PLXNA4: variants seen among roughly 807,000 people sequenced by gnomAD.
PLXNA4 encodes the protein plexin-A4.
In PLXNA4, 44 loss-of-function variants were observed where a neutral mutation model predicts 191.8. That is an observed-to-expected ratio of 0.23 (90% CI 0.18 to 0.29). The LOEUF (loss-of-function observed/expected upper bound fraction) is 0.29. Ranked by LOEUF, PLXNA4 falls within the 10% of genes least tolerant of loss-of-function variation. The pLI is 1.00. For synonymous variants in PLXNA4, 1,082 were observed against 1,009.5 expected (o/e 1.07, Z -1.36); for missense variants, 1,800 against 2,488.8 (o/e 0.72, Z 5.89).
chr7:132,629,794 T>C (rs1486661231), intron 2 of PLXNA4, among the ~76,000 whole-genome samples: 5 of 152,224 alleles, frequency 3.3e-5, no homozygotes, highest in Non-Finnish European at 7.3e-5. Context: ...CTTCTCACTA[T>C]GTCCTCACAT....
In PLXNA4 at chr7:132,608,389, G is replaced by A. The variant is rs370711159; in HGVS notation, c.-87+37539C>T. Among the ~76,000 whole-genome samples the A allele has an allele frequency of 1.1e-4, 17 of 152,228 alleles. No homozygotes were observed. The East Asian group carries it at 1.9e-3, about 17-fold the overall frequency. On this transcript the variant is annotated intron_variant, in intron 2 of 4. Transcript: ENST00000378539. ...TATTAATTCTATGCTTGTTGGGACC[G>A]TACTCTGTATTAGCATGAGGGCTAC...
Position 132,140,827 on chromosome 7 carries a change from A to G in PLXNA4, c.5226-16T>C. 6.2e-7 allele frequency: 1 copy of G among 1,613,530 alleles called. No homozygotes were observed. Among genetic ancestry groups the G allele is most frequent in the Non-Finnish European group, 8.5e-7 (1 of 1,179,706 alleles). On this transcript the variant is annotated splice_polypyrimidine_tract_variant and intron_variant, in intron 29 of 31. Transcript: ENST00000321063. ...CAGGGGCAGGCTGCGTGGAAGGAAG[A>G]GGCAGATGGTCAGGAAAGACGGGGC... is the stretch of plus-strand genomic sequence containing the variant.
chr7:132,243,709 T>C (rs1452693507), intron 4 of PLXNA4, among the ~76,000 whole-genome samples: 1 of 112,288 alleles, frequency 8.9e-6, no homozygotes, highest in Admixed American at 1.4e-4. Flanking sequence ...AAAGCACAGA[T>C]GATGCAATGG....
In PLXNA4 at chr7:132,594,965, AATT is replaced by A. The variant is rs1402738981; in HGVS notation, c.-87+50960_-87+50962del. 4.0e-3 allele frequency among the ~76,000 whole-genome samples: 540 copies of A among 134,250 alleles called. 1 individual carries two copies. Among genetic ancestry groups the A allele is most frequent in the Non-Finnish European group, 5.2e-3 (305 of 59,158 alleles). The allele number at this position is 134,250 out of a possible 152,430, so 88.1% of individuals were successfully genotyped here. A position where few individuals can be genotyped will look rare whatever the true frequency, so the allele number is the denominator to read the frequency against. ...TAGATAGATAGATAGATAGATAGAT[AATT>A]GATAGATAATAGATAGATAGATAGA... is the stretch of plus-strand genomic sequence containing the variant. On this transcript the variant is annotated intron_variant, in intron 2 of 4. Transcript: ENST00000378539.
chr7:132,213,676 C>A (rs776699014), intron 9 of PLXNA4, among the ~76,000 whole-genome samples: 1 of 152,118 alleles, frequency 6.6e-6, no homozygotes, highest in Non-Finnish European at 1.5e-5. Flanking sequence ...GTTGGCAGCT[C>A]GAGGAGAGCA....
rs781368721 is a variant in PLXNA4 at position 132,140,828 on chromosome 7, G to A, written c.5226-17C>T. Reference sequence around the variant, plus strand: ...AGGGGCAGGCTGCGTGGAAGGAAGAGGCAGATGGTCAGGAAAGACGGGGCA... The same window carrying A: ...AGGGGCAGGCTGCGTGGAAGGAAGAAGCAGATGGTCAGGAAAGACGGGGCA... On this transcript the variant is annotated splice_polypyrimidine_tract_variant and intron_variant, in intron 29 of 31. Transcript: ENST00000321063. 1 of 1,613,660 alleles carries A rather than the reference G, an allele frequency of 6.2e-7. No individual in the cohort carries two copies. The highest frequency in any genetic ancestry group is 8.5e-7 in the Non-Finnish European group (1 of 1,179,730).
rs188265040 is a variant in PLXNA4, at chr7:132,473,709, T to C, written c.1371+15583A>G. Among the ~76,000 whole-genome samples the C allele has an allele frequency of 2.6e-5, 4 of 152,218 alleles. No homozygotes were observed. In the East Asian group the frequency reaches 7.7e-4, roughly 29 times the overall value. ...TATTCAAGCACACCAGGGCCACTCC[T>C]GTGTCAGTTTCAGTCATATTAGAGA... On this transcript the variant is annotated intron_variant, in intron 3 of 31. Transcript: ENST00000321063.
intron 3 of PLXNA4, among the ~76,000 whole-genome samples, chr7:132,413,709 C>G (rs1490110881): frequency 1.3e-5 from 2 of 152,208 alleles, no homozygotes; most frequent in African/African-American, 4.8e-5. Flanking sequence ...CTTTTTAAAA[C>G]TCTTCCAGTT....
intron 1 of PLXNA4, among the ~76,000 whole-genome samples, chr7:132,548,969 A>G (rs1391421418): frequency 6.6e-6 from 1 of 152,238 alleles, no homozygotes; most frequent in Non-Finnish European, 1.5e-5. Context: ...GCACCATGAC[A>G]GTTTACAAAT....
intron 1 of PLXNA4, among the ~76,000 whole-genome samples, chr7:132,511,751 A>G (rs946253513): frequency 1.1e-4 from 16 of 152,238 alleles, no homozygotes; most frequent in African/African-American, 3.9e-4. Context: ...TCTCAAGATG[A>G]GTGATGAAGA....
chr7:132,469,032 T>C (rs1796817111), intron 3 of PLXNA4, among the ~76,000 whole-genome samples: 1 of 138,258 alleles, frequency 7.2e-6, no homozygotes, highest in Admixed American at 8.3e-5. Flanking sequence ...CTCCAGAGCC[T>C]CAGTCTCCAC....
intron 25 of PLXNA4, among the ~76,000 whole-genome samples, chr7:132,157,267 G>A (rs1795826195): frequency 6.6e-6 from 1 of 152,204 alleles, no homozygotes; most frequent in Non-Finnish European, 1.5e-5. Context: ...CCTCAGGCAG[G>A]TCCTTGTTGC....
Position 132,127,285 on chromosome 7 carries a change from A to G in PLXNA4, c.*3194T>C, listed in dbSNP as rs778697123. The G allele has an allele frequency of 2.0e-5, 3 of 152,150 alleles. No individual in the cohort carries two copies. Among genetic ancestry groups the G allele is most frequent in the Non-Finnish European group, 2.9e-5 (2 of 68,038 alleles). 9.4% of individuals were successfully genotyped at this position (152,150 alleles called of 1,614,324 possible). The stretch of plus-strand genomic sequence containing the variant: ...GCCTTTTCTCTCCTTCTGTCTGCTC[A>G]TGACTCAACATAATGGTGACCCTAC... On this transcript the variant is annotated 3_prime_UTR_variant, in exon 32 of 32. Coordinates refer to ENST00000321063, the MANE Select transcript of PLXNA4 (RefSeq NM_020911.2).
chr7:132,479,141 T>C (rs1429668231), intron 3 of PLXNA4, among the ~76,000 whole-genome samples: 1 of 152,066 alleles, frequency 6.6e-6, no homozygotes, highest in Non-Finnish European at 1.5e-5. Context: ...TGGTGACACA[T>C]ACCTGTAGTC....
chr7:132,509,474 C>G (rs762387175), intron 1 of PLXNA4, among the ~76,000 whole-genome samples: 9 of 152,176 alleles, frequency 5.9e-5, no homozygotes, highest in Non-Finnish European at 1.2e-4. Context: ...GATTGGTAGA[C>G]CTCCGAAGTA....
At chr7:132,358,647 C>T (rs1379998800) in intron 3 of PLXNA4, among the ~76,000 whole-genome samples, 2 of 152,190 alleles carry the variant, frequency 1.3e-5, no homozygotes, top group Admixed American at 1.3e-4. Context: ...GATGCCTACT[C>T]TATGACAGTG....
At chr7:132,533,133 A>T (rs965007181) in intron 1 of PLXNA4, among the ~76,000 whole-genome samples, 6 of 152,216 alleles carry the variant, frequency 3.9e-5, no homozygotes, top group African/African-American at 1.4e-4. Context: ...CACTTGCCAT[A>T]ATGTTTATAC....
At position 132,264,753 on chromosome 7, in the gene PLXNA4, A is replaced by C. The variant is rs145945411; in HGVS notation, c.1504-23587T>G. On this transcript the variant is annotated intron_variant, in intron 4 of 31. Coordinates refer to ENST00000321063, the MANE Select transcript of PLXNA4 (RefSeq NM_020911.2). ...CACTGTGTTGCTCAGCCTGGAGTGC[A>C]ATGGCGCCATCTCGGCTCACTGCAA... Among the ~76,000 whole-genome samples the C allele has an allele frequency of 6.4e-3, 957 of 148,826 alleles. 14 individuals carry two copies. Among genetic ancestry groups the C allele is most frequent in the African/African-American group, 0.023 (929 of 40,116 alleles).
chr7:132,564,415 C>CCTT (rs1383641927), intron 1 of PLXNA4, among the ~76,000 whole-genome samples: 1 of 151,810 alleles, frequency 6.6e-6, no homozygotes, highest in African/African-American at 2.4e-5. Flanking sequence ...TCCTCCCCCT[C>CCTT]CTTCTCCAGG....
Sources: allele counts gnomAD v4.1 joint callset (sites outside exome capture counted in the v4.1 genomes callset), GRCh38; gene constraint gnomAD v4.1.1; transcripts MANE v1.5; gene names NCBI Gene and HGNC (gene_info 2026-07-23, HGNC 2026-07-21).